PLCB1: variants seen among roughly 807,000 people sequenced by gnomAD.
PLCB1 encodes 1-phosphatidylinositol 4,5-bisphosphate phosphodiesterase beta-1.
A neutral mutation model predicts 161.8 loss-of-function variants in PLCB1; 46 were observed. That is an observed-to-expected ratio of 0.28 (90% CI 0.22 to 0.36). The LOEUF (loss-of-function observed/expected upper bound fraction) is 0.36. Among genes scored for constraint, PLCB1 ranks in the 10% least tolerant of loss-of-function variants. The probability of loss-of-function intolerance (pLI) is 1.00; values close to 1 mark genes in which losing one functional copy is unlikely to be tolerated. For missense variants in PLCB1, 1,016 were observed against 1,472.5 expected, an observed-to-expected ratio of 0.69 and a Z score of 5.07; for synonymous variants, 517 against 503.7, an observed-to-expected ratio of 1.03 and a Z score of -0.35.
intron 3 of PLCB1, among the ~76,000 whole-genome samples, chr20:8,521,251 C>G (rs944262698): frequency 6.6e-6 from 1 of 151,772 alleles, no homozygotes; most frequent in Non-Finnish European, 1.5e-5. Flanking sequence ...GGCCCTCCTT[C>G]TCATTTGTAC....
At chr20:8,658,323 T>A (rs1989522784) in intron 8 of PLCB1, among the ~76,000 whole-genome samples, 1 of 152,136 alleles carries the variant, frequency 6.6e-6, no homozygotes, top group South Asian at 2.1e-4. Flanking sequence ...GCAAGAGCAT[T>A]GGGTTTTAGC....
At chr20:8,668,556 TAG>T (rs1054428191) in intron 9 of PLCB1, among the ~76,000 whole-genome samples, 2 of 152,122 alleles carry the variant, frequency 1.3e-5, no homozygotes, top group Non-Finnish European at 2.9e-5. Context: ...TTCAAGTCCA[TAG>T]AGTTTGGAAG....
chr20:8,264,016 T>C (rs894872682), intron 2 of PLCB1, among the ~76,000 whole-genome samples: 3 of 152,236 alleles, frequency 2.0e-5, no homozygotes, highest in African/African-American at 4.8e-5. Flanking sequence ...TTATAAACTT[T>C]TAAATTATTT....
intron 3 of PLCB1, among the ~76,000 whole-genome samples, chr20:8,448,078 A>G (rs551032289): frequency 6.6e-6 from 1 of 152,316 alleles, no homozygotes; most frequent in African/African-American, 2.4e-5. Flanking sequence ...GGTGTCATAC[A>G]ATAGTCTTCT....
intron 2 of PLCB1, among the ~76,000 whole-genome samples, chr20:8,350,489 C>T (rs1394500977): frequency 1.3e-5 from 2 of 152,158 alleles, no homozygotes; most frequent in South Asian, 4.1e-4. Context: ...TCTAGCCTAT[C>T]ATTGATGGGC....
intron 3 of PLCB1, among the ~76,000 whole-genome samples, chr20:8,567,950 A>G (rs1394170010): frequency 6.6e-6 from 1 of 152,216 alleles, no homozygotes; most frequent in Non-Finnish European, 1.5e-5. Context: ...TTCAGATCTC[A>G]TAACCAAATT....
intron 3 of PLCB1, among the ~76,000 whole-genome samples, chr20:8,374,948 T>G (rs1355233141): frequency 6.6e-6 from 1 of 152,208 alleles, no homozygotes; most frequent in Non-Finnish European, 1.5e-5. Context: ...GAAAATGAAC[T>G]GTTTTTTGTG....
rs1361499282 is a variant in PLCB1, at chr20:8,794,795, C to A, written c.3423+4534C>A. Among the ~76,000 whole-genome samples the A allele has an allele frequency of 3.1e-5, 4 of 128,938 alleles. No individual in the cohort carries two copies. The Admixed American group carries it at 3.2e-4, about 10-fold the overall frequency. The allele number at this position is 128,938 out of a possible 152,430, so 84.6% of individuals were successfully genotyped here. ...ATTTTCTAAGCCATTGGTAAATAAA[C>A]AACTCCTTTGAAAGTAACAAACAGA... is the stretch of plus-strand genomic sequence containing the variant. On this transcript the variant is annotated intron_variant, in intron 31 of 31. Coordinates refer to ENST00000338037, the MANE Select transcript of PLCB1 (RefSeq NM_015192.4).
chr20:8,484,108 C>T (rs1299484230), intron 3 of PLCB1, among the ~76,000 whole-genome samples: 2 of 152,198 alleles, frequency 1.3e-5, no homozygotes, highest in African/African-American at 4.8e-5. Context: ...TCACCACAAC[C>T]TCAGCCTCAC....
At chr20:8,183,692 G>A (rs781029546) in intron 2 of PLCB1, among the ~76,000 whole-genome samples, 31 of 152,066 alleles carry the variant, frequency 2.0e-4, no homozygotes, top group Non-Finnish European at 3.4e-4. Flanking sequence ...GTTTTAGTTC[G>A]GAATGTCAAG....
At position 8,352,418 on chromosome 20, in the gene PLCB1, A is replaced by G. The variant is rs145878322; in HGVS notation, c.178-18964A>G. ...CTGTAATGGTAGTTACTATGCACGTATGAGGTACTATGCATTTATTAATAT... is the reference window on the plus strand; with the variant it reads ...CTGTAATGGTAGTTACTATGCACGTGTGAGGTACTATGCATTTATTAATAT... On this transcript the variant is annotated intron_variant, in intron 2 of 31. Coordinates refer to ENST00000338037, the MANE Select transcript of PLCB1 (RefSeq NM_015192.4). Among the ~76,000 whole-genome samples the G allele has an allele frequency of 1.1e-3, 168 of 152,246 alleles. 6 individuals are homozygous for G. The East Asian group carries it at 0.024, about 22-fold the overall frequency.
chr20:8,733,777 C>T (rs1302846011), intron 19 of PLCB1, among the ~76,000 whole-genome samples: 1 of 127,428 alleles, frequency 7.8e-6, no homozygotes, highest in Non-Finnish European at 1.6e-5. Flanking sequence ...TACCCTAAAA[C>T]TTAAAGTATA....
intron 26 of PLCB1, among the ~76,000 whole-genome samples, chr20:8,767,650 A>T (rs1243815726): frequency 6.6e-6 from 1 of 152,116 alleles, no homozygotes; most frequent in Non-Finnish European, 1.5e-5. Context: ...TGGACTGCGC[A>T]TCATAGCTTA....
At chr20:8,318,104 T>C (rs920972471) in intron 2 of PLCB1, among the ~76,000 whole-genome samples, 3 of 152,180 alleles carry the variant, frequency 2.0e-5, no homozygotes, top group Admixed American at 6.5e-5. Flanking sequence ...CCAGATATTA[T>C]TTCTCTTAAG....
chr20:8,722,533 C>A, intron 15 of PLCB1, 112 bp downstream of exon 15: 1 of 611,692 alleles, frequency 1.6e-6, no homozygotes, highest in Non-Finnish European at 2.7e-6. Context: ...TTTGTGCCTT[C>A]CAATTGCCAG....
chr20:8,309,205 G>A lies in PLCB1; in HGVS notation c.178-62177G>A, dbSNP rs80141901. Among the ~76,000 whole-genome samples, 25 of 152,188 alleles carry A rather than the reference G, an allele frequency of 1.6e-4. 1 individual carries two copies. The East Asian group carries it at 4.8e-3, about 29-fold the overall frequency. ...TCTGAGGAGACTGGGGGAGACACTT[G>A]GATAAGAGAAGGACTTCTGTGAACA... On this transcript the variant is annotated intron_variant, in intron 2 of 31. Transcript: ENST00000338037.
chr20:8,400,114 A>G (rs1160894506), intron 3 of PLCB1, among the ~76,000 whole-genome samples: 3 of 152,182 alleles, frequency 2.0e-5, no homozygotes, highest in African/African-American at 7.2e-5. Flanking sequence ...GACATTGTCA[A>G]CTGCTTGTGG....
intron 1 of PLCB1, among the ~76,000 whole-genome samples, chr20:8,148,970 A>G (rs1478823593): frequency 6.6e-6 from 1 of 152,180 alleles, no homozygotes; most frequent in Non-Finnish European, 1.5e-5. Flanking sequence ...TCAATTTGGG[A>G]AGATTTAAAG....
intron 11 of PLCB1, among the ~76,000 whole-genome samples, chr20:8,704,891 T>A (rs139195792): frequency 1.3e-5 from 2 of 151,936 alleles, no homozygotes; most frequent in African/African-American, 4.8e-5. Context: ...GCTAATGGTG[T>A]AAGCTGCAGT....
Sources: gnomAD v4.1 joint callset for allele counts (sites outside exome capture counted in the v4.1 genomes callset) on GRCh38, gnomAD v4.1.1 for gene constraint, MANE v1.5 for transcripts, NCBI Gene and HGNC (gene_info 2026-07-23, HGNC 2026-07-21) for gene names.